BRAF: variants seen among roughly 807,000 people sequenced by gnomAD.
BRAF encodes serine/threonine-protein kinase B-raf.
A neutral mutation model predicts 104.6 loss-of-function variants in BRAF; 16 were observed. That is an observed-to-expected ratio of 0.15 (90% CI 0.10 to 0.23). The LOEUF (loss-of-function observed/expected upper bound fraction) is 0.23. Among genes scored for constraint, BRAF ranks in the 10% least tolerant of loss-of-function variants. The pLI is 1.00. For synonymous variants in BRAF, 310 were observed against 341.6 expected, an observed-to-expected ratio of 0.91 and a Z score of 1.02; for missense variants, 541 against 937.3, an observed-to-expected ratio of 0.58 and a Z score of 5.52.
chr7:140,857,963 GA>G (rs1444637748), intron 1 of BRAF, among the ~76,000 whole-genome samples: 1 of 152,046 alleles, frequency 6.6e-6, no homozygotes, highest in African/African-American at 2.4e-5. Flanking sequence ...AACTTTAAAT[GA>G]AAAAAATTAT....
At chr7:140,763,022 C>CG (rs1350884710) in intron 14 of BRAF, among the ~76,000 whole-genome samples, 1 of 152,234 alleles carries the variant, frequency 6.6e-6, no homozygotes, top group Non-Finnish European at 1.5e-5. Flanking sequence ...TACACAGACA[C>CG]GGCAACCATC....
intron 2 of BRAF, among the ~76,000 whole-genome samples, chr7:140,842,887 C>T (rs181132669): frequency 2.0e-5 from 3 of 152,086 alleles, no homozygotes; most frequent in Non-Finnish European, 4.4e-5. Context: ...TAAATTAGTA[C>T]GTGGGAAAAA....
At chr7:140,892,544 A>T (rs1249382977) in intron 1 of BRAF, among the ~76,000 whole-genome samples, 1 of 152,238 alleles carries the variant, frequency 6.6e-6, no homozygotes, top group Non-Finnish European at 1.5e-5. Flanking sequence ...ATTGTAAACT[A>T]TGGAACCTAT....
intron 14 of BRAF, among the ~76,000 whole-genome samples, chr7:140,766,890 ACT>A (rs1562949607): frequency 6.6e-6 from 1 of 152,018 alleles, no homozygotes; most frequent in Admixed American, 6.6e-5. Context: ...ACAAGGACTC[ACT>A]CTGTTACCCA....
intron 13 of BRAF, among the ~76,000 whole-genome samples, chr7:140,777,439 CTT>C (rs779927034): frequency 1.3e-5 from 2 of 152,168 alleles, no homozygotes; most frequent in African/African-American, 2.4e-5. Flanking sequence ...TTTCTTACAA[CTT>C]TCACCTCTGG....
At position 140,724,195 on chromosome 7, in the gene BRAF, T is replaced by C. The variant is rs1795468258; in HGVS notation, c.*2299A>G. ...AAATGCTAAGCTTCCTCCCTAATGG[T>C]ACCGCCCCTGCCCCTGCCCCACGGA... On this transcript the variant is annotated 3_prime_UTR_variant, in exon 20 of 20. Transcript: ENST00000644969. 4.7e-6 allele frequency: 5 copies of C among 1,056,298 alleles called. No homozygotes were observed. Among genetic ancestry groups the C allele is most frequent in the Non-Finnish European group, 4.6e-6 (4 of 873,684 alleles). The allele number at this position is 1,056,298 out of a possible 1,614,324, so 65.4% of individuals were successfully genotyped here.
intron 18 of BRAF, among the ~76,000 whole-genome samples, chr7:140,738,713 T>C (rs1464009549): frequency 6.6e-6 from 1 of 152,030 alleles, no homozygotes; most frequent in Non-Finnish European, 1.5e-5. Context: ...ACCTCCTGGG[T>C]TCAAGCGATT....
intron 7 of BRAF, among the ~76,000 whole-genome samples, chr7:140,796,744 T>G (rs1444568041): frequency 6.6e-6 from 1 of 152,228 alleles, no homozygotes; most frequent in East Asian, 1.9e-4. Context: ...ACACTTGAAG[T>G]GATCATAATC....
At chr7:140,845,781 G>A (rs189376035) in intron 2 of BRAF, among the ~76,000 whole-genome samples, 21 of 152,166 alleles carry the variant, frequency 1.4e-4, no homozygotes, top group Admixed American at 2.6e-4. Flanking sequence ...GGATTCAAGC[G>A]ATTCTCCTGC....
rs1176574782 is a variant in BRAF at position 140,834,740 on chromosome 7, A to G, written c.373T>C (p.Ser125Pro). The change falls in exon 3 of 20, where the codon TCT (serine) becomes CCT (proline). Residue 125 changes from serine (S) to proline (P), a missense_variant. Physicochemically the swap from Ser to Pro is moderately conservative, Grantham distance 74. Around this residue, in one of 10 missense-constraint regions of BRAF, gnomAD observed 86 missense variants for 133.9 expected, o/e 0.64. Transcript: ENST00000644969. ...ASMDTVTSSS[S>P]SSLSVLPSSL... is the part of the protein sequence containing the mutation. Reference sequence around the variant, plus strand: ...GAAGGTAGCACTGAAAGGCTAGAAGAGGAAGAAGATGTAACGGTATCCATT... The same window carrying G: ...GAAGGTAGCACTGAAAGGCTAGAAGGGGAAGAAGATGTAACGGTATCCATT... 1 of 1,614,088 alleles carries G rather than the reference A, an allele frequency of 6.2e-7. No individual in the cohort carries two copies. The highest frequency in any genetic ancestry group is 1.3e-5 in the African/African-American group (1 of 74,952).
chr7:140,773,540 A>G (rs1384400749), intron 14 of BRAF: 1 of 152,170 alleles, frequency 6.6e-6, no homozygotes, highest in Non-Finnish European at 1.5e-5. Flanking sequence ...AAAGATATAC[A>G]TGTCCTAGAC....
At chr7:140,798,665 C>T (rs1321164332) in intron 7 of BRAF, among the ~76,000 whole-genome samples, 3 of 150,150 alleles carry the variant, frequency 2.0e-5, no homozygotes, top group Non-Finnish European at 4.4e-5. Context: ...CAGAAATGTT[C>T]CAAAGCTAAT....
intron 1 of BRAF, among the ~76,000 whole-genome samples, chr7:140,868,268 C>A (rs1297557311): frequency 6.6e-6 from 1 of 152,074 alleles, no homozygotes; most frequent in Non-Finnish European, 1.5e-5. Flanking sequence ...CAGGAGGAGA[C>A]ACAAAAACTT....
chr7:140,924,522 C>A lies in BRAF; in HGVS notation c.138+44G>T. 6.5e-7 allele frequency: 1 copy of A among 1,532,876 alleles called. No homozygotes were observed. Among genetic ancestry groups the A allele is most frequent in the Non-Finnish European group, 8.7e-7 (1 of 1,145,522 alleles). 95.0% of individuals were successfully genotyped at this position (1,532,876 alleles called of 1,614,324 possible). A position where few individuals can be genotyped will look rare whatever the true frequency, so the allele number is the denominator to read the frequency against. On this transcript the variant is annotated intron_variant, in intron 1 of 19. Coordinates refer to ENST00000644969, the MANE Select transcript of BRAF (RefSeq NM_001374258.1). The surrounding 1 kb of genome is among the most constrained non-coding windows in gnomAD (Gnocchi z 4.2). ...TCCAAAATAAACACCAGCCAGCCGC[C>A]GAGCCCGGAGTCGGGAGGGCGGCAG...
At position 140,738,536 on chromosome 7, in the gene BRAF, C is replaced by T. The variant is rs548774079; in HGVS notation, c.2247+1276G>A. Among the ~76,000 whole-genome samples the T allele has an allele frequency of 3.9e-5, 6 of 152,242 alleles. No homozygotes were observed. The South Asian group carries it at 1.2e-3, about 32-fold the overall frequency. On this transcript the variant is annotated intron_variant, in intron 18 of 19. Coordinates refer to ENST00000644969, the MANE Select transcript of BRAF (RefSeq NM_001374258.1). The stretch of plus-strand genomic sequence containing the variant: ...TTTATCCAGTGCTATCAGGAGCTCC[C>T]TAAGTATCAGAAAACATTGCATTTA...
intron 1 of BRAF, among the ~76,000 whole-genome samples, chr7:140,873,956 C>T (rs1811901125): frequency 6.6e-6 from 1 of 151,974 alleles, no homozygotes; most frequent in African/African-American, 2.4e-5. Context: ...AGGAGCAACC[C>T]CTAGGAAGCC....
chr7:140,847,903 A>T (rs1213353681), intron 2 of BRAF, among the ~76,000 whole-genome samples: 2 of 152,152 alleles, frequency 1.3e-5, no homozygotes, highest in African/African-American at 4.8e-5. Flanking sequence ...GTACATGTGT[A>T]TATGCATACC....
At chr7:140,803,851 C>T (rs1295836456) in intron 5 of BRAF, among the ~76,000 whole-genome samples, 3 of 152,040 alleles carry the variant, frequency 2.0e-5, no homozygotes, top group Non-Finnish European at 4.4e-5. Flanking sequence ...TTCAGAGTGG[C>T]GAGAGCATGG....
chr7:140,767,248 C>T (rs1283936939), intron 14 of BRAF, among the ~76,000 whole-genome samples: 1 of 152,134 alleles, frequency 6.6e-6, no homozygotes, highest in East Asian at 1.9e-4. Flanking sequence ...AAGCAATCCA[C>T]CCGCCTCAGC....
Sources: allele counts gnomAD v4.1 joint callset (sites outside exome capture counted in the v4.1 genomes callset), GRCh38; gene constraint gnomAD v4.1.1; regional missense constraint gnomAD v4.1.1; non-coding constraint Gnocchi (gnomAD v3.1); transcripts MANE v1.5; gene names NCBI Gene and HGNC (gene_info 2026-07-23, HGNC 2026-07-21).